The following ARHGEF38 variants were observed in gnomAD, a reference collection of about 807,000 sequenced individuals.
ARHGEF38 encodes Rho guanine nucleotide exchange factor (GEF) 38.
A neutral mutation model predicts 79.9 loss-of-function variants in ARHGEF38; 79 were observed. The observed-to-expected ratio is 0.99, with a 90% CI of 0.82 to 1.19. The LOEUF (loss-of-function observed/expected upper bound fraction) is 1.19. Ranked by LOEUF, ARHGEF38 falls within the 50% of genes most tolerant of loss-of-function variation. The pLI is 0.00. For synonymous variants in ARHGEF38, 366 were observed against 328.3 expected (o/e 1.11, Z -1.24); for missense variants, 962 against 907.2 (o/e 1.06, Z -0.78).
chr4:105,555,603 A>G (rs1437067939), intron 1 of ARHGEF38, among the ~76,000 whole-genome samples: 1 of 152,178 alleles, frequency 6.6e-6, no homozygotes, highest in Non-Finnish European at 1.5e-5. Flanking sequence ...TAGAGCCCTC[A>G]GATAGATGGC....
At chr4:105,661,603 A>G (rs1437532709) in intron 10 of ARHGEF38, among the ~76,000 whole-genome samples, 6 of 151,598 alleles carry the variant, frequency 4.0e-5, no homozygotes, top group South Asian at 2.1e-4. Context: ...TTTAAAACTC[A>G]TTAAATTGAA....
At chr4:105,568,216 G>T (rs1315376927) in intron 1 of ARHGEF38, among the ~76,000 whole-genome samples, 2 of 151,936 alleles carry the variant, frequency 1.3e-5, no homozygotes, top group African/African-American at 2.4e-5. Flanking sequence ...AGACATTTAT[G>T]CAGCCAAAAA....
intron 1 of ARHGEF38, among the ~76,000 whole-genome samples, chr4:105,557,119 GT>G (rs1486964335): frequency 6.6e-6 from 1 of 151,894 alleles, no homozygotes; most frequent in Non-Finnish European, 1.5e-5. Flanking sequence ...CTCAGAAAGG[GT>G]TTCATAAATA....
chr4:105,640,145 C>G (rs1560739853), intron 5 of ARHGEF38, among the ~76,000 whole-genome samples: 1 of 151,960 alleles, frequency 6.6e-6, no homozygotes, highest in African/African-American at 2.4e-5. Flanking sequence ...CCTCTACACA[C>G]AACAAACACA....
chr4:105,668,473 T>G (rs1730838965), intron 13 of ARHGEF38, among the ~76,000 whole-genome samples: 1 of 152,204 alleles, frequency 6.6e-6, no homozygotes, highest in Non-Finnish European at 1.5e-5. Context: ...ACAATCTTTT[T>G]GCAAAATGGT....
intron 2 of ARHGEF38, among the ~76,000 whole-genome samples, chr4:105,598,619 A>T (rs902104204): frequency 1.3e-5 from 2 of 152,180 alleles, no homozygotes; most frequent in African/African-American, 4.8e-5. Flanking sequence ...TTCATGAAGA[A>T]TAAGATACAT....
chr4:105,616,556 C>T lies in ARHGEF38; in HGVS notation c.508+3049C>T, dbSNP rs183816096. ...CAAGAACAGCAAGGGGAAAGTCCAC[C>T]CCCATGATTCAATCACCTCCCACCA... On this transcript the variant is annotated intron_variant, in intron 3 of 13. Coordinates refer to ENST00000420470, the MANE Select transcript of ARHGEF38 (RefSeq NM_001242729.2). 4.4e-3 allele frequency among the ~76,000 whole-genome samples: 665 copies of T among 152,214 alleles called. 8 individuals are homozygous for T. Among genetic ancestry groups the T allele is most frequent in the African/African-American group, 0.015 (622 of 41,522 alleles).
At chr4:105,634,524 T>C (rs996374370) in intron 4 of ARHGEF38, among the ~76,000 whole-genome samples, 7 of 152,118 alleles carry the variant, frequency 4.6e-5, no homozygotes, top group African/African-American at 1.7e-4. Context: ...CTTGGGGTTA[T>C]TTAAGGTTTC....
At chr4:105,576,715 G>A (rs576528057) in intron 1 of ARHGEF38, among the ~76,000 whole-genome samples, 5 of 152,238 alleles carry the variant, frequency 3.3e-5, no homozygotes, top group African/African-American at 1.2e-4. Flanking sequence ...ATGTTGAATA[G>A]GAATGGTAAA....
At chr4:105,623,869 C>A (rs1191997213) in intron 3 of ARHGEF38, among the ~76,000 whole-genome samples, 1 of 152,194 alleles carries the variant, frequency 6.6e-6, no homozygotes, top group Non-Finnish European at 1.5e-5. Flanking sequence ...TAGCACCCCC[C>A]AGTTTGTCCT....
chr4:105,621,891 G>A (rs1728749000), intron 3 of ARHGEF38, among the ~76,000 whole-genome samples: 1 of 152,164 alleles, frequency 6.6e-6, no homozygotes, highest in African/African-American at 2.4e-5. Context: ...GCAACAGTTG[G>A]AAGATCAGAA....
intron 7 of ARHGEF38, among the ~76,000 whole-genome samples, chr4:105,650,733 A>G (rs555711917): frequency 7.2e-5 from 11 of 152,136 alleles, no homozygotes; most frequent in Non-Finnish European, 1.0e-4. Context: ...ATTTACCAAC[A>G]TGTACATTCT....
intron 1 of ARHGEF38, among the ~76,000 whole-genome samples, chr4:105,566,687 C>T (rs1024370281): frequency 2.6e-5 from 4 of 151,176 alleles, no homozygotes; most frequent in Non-Finnish European, 4.4e-5. Flanking sequence ...TTTTTGTACC[C>T]GTTAATCATC....
intron 3 of ARHGEF38, among the ~76,000 whole-genome samples, chr4:105,628,797 T>C (rs1041671080): frequency 6.6e-6 from 1 of 151,766 alleles, no homozygotes; most frequent in Non-Finnish European, 1.5e-5. Context: ...CACAGGAAAA[T>C]CCCACATCAT....
At chr4:105,625,565 T>C (rs957480613) in intron 3 of ARHGEF38, among the ~76,000 whole-genome samples, 1 of 152,192 alleles carries the variant, frequency 6.6e-6, no homozygotes, top group Non-Finnish European at 1.5e-5. Flanking sequence ...GGTAAAGGTA[T>C]TAATAGTATC....
chr4:105,613,739 A>T (rs1275725272), intron 3 of ARHGEF38, among the ~76,000 whole-genome samples: 1 of 151,776 alleles, frequency 6.6e-6, no homozygotes, highest in Non-Finnish European at 1.5e-5. Context: ...TTTGCTTTTT[A>T]ATTTCCAATC....
chr4:105,628,700 C>CACACACACATGCACACAA (rs1252574418), intron 3 of ARHGEF38, among the ~76,000 whole-genome samples: 1 of 152,090 alleles, frequency 6.6e-6, no homozygotes, highest in Non-Finnish European at 1.5e-5. Context: ...TCTTAAAACA[C>CACACACACATGCACACAA]ACACACACAT....
At chr4:105,666,120 C>A in intron 10 of ARHGEF38, 57 bp from the exon 11 acceptor site, 1 of 1,431,846 alleles carries the variant, frequency 7.0e-7, no homozygotes, top group Non-Finnish European at 9.2e-7. Flanking sequence ...ATACATTTAA[C>A]ACCTGATATG....
chr4:105,600,661 C>T (rs1727782458), intron 2 of ARHGEF38, among the ~76,000 whole-genome samples: 1 of 152,166 alleles, frequency 6.6e-6, no homozygotes, highest in African/African-American at 2.4e-5. Context: ...TCCTTTGTTT[C>T]TCCAATTCCC....
Sources: gnomAD v4.1 joint callset for allele counts (sites outside exome capture counted in the v4.1 genomes callset) on GRCh38, gnomAD v4.1.1 for gene constraint, MANE v1.5 for transcripts, NCBI Gene and HGNC (gene_info 2026-07-23, HGNC 2026-07-21) for gene names.